ACACA: variants seen among roughly 807,000 people sequenced by gnomAD.
ACACA encodes acetyl-CoA carboxylase 1.
A neutral mutation model predicts 296.1 loss-of-function variants in ACACA; 103 were observed. The observed-to-expected ratio is 0.35, with a 90% confidence interval of 0.30 to 0.41. The LOEUF (loss-of-function observed/expected upper bound fraction) is 0.41. ACACA is among the 10% of genes least tolerant of loss of function. The pLI is 1.00. For missense variants in ACACA, 1,554 were observed against 2,989.7 expected, an observed-to-expected ratio of 0.52 and a Z score of 11.20; for synonymous variants, 953 against 1,038.6, an observed-to-expected ratio of 0.92 and a Z score of 1.58.
intron 5 of ACACA, 53 bp downstream of exon 5, chr17:37,283,214 C>CTG: frequency 1.2e-6 from 2 of 1,608,010 alleles, no homozygotes; most frequent in South Asian, 2.2e-5. Context: ...AAAGGCTGTG[C>CTG]TGTTCCATGT....
At chr17:37,316,069 A>C (rs934712751) in intron 3 of ACACA, among the ~76,000 whole-genome samples, 2 of 152,168 alleles carry the variant, frequency 1.3e-5, no homozygotes, top group African/African-American at 4.8e-5. Flanking sequence ...CAAGGGCTTT[A>C]GGAACTGTGT....
intron 42 of ACACA, among the ~76,000 whole-genome samples, chr17:37,156,119 A>T (rs538538015): frequency 4.7e-4 from 60 of 128,070 alleles, no homozygotes; most frequent in African/African-American, 1.4e-3. Flanking sequence ...GCTGGAGTGC[A>T]GTGGCGCGAT....
chr17:37,189,171 T>C (rs551549881), intron 38 of ACACA, among the ~76,000 whole-genome samples: 4 of 152,314 alleles, frequency 2.6e-5, no homozygotes, highest in African/African-American at 9.6e-5. Flanking sequence ...GGACAGTTAT[T>C]TTAACTAAAT....
At chr17:37,310,290 C>T (rs1188421554) in intron 3 of ACACA, among the ~76,000 whole-genome samples, 6 of 151,956 alleles carry the variant, frequency 3.9e-5, no homozygotes, top group Admixed American at 3.3e-4. Context: ...GCTGGAGGTG[C>T]TATTTAGTGA....
At chr17:37,217,046 T>C (rs2079031102) in intron 29 of ACACA, among the ~76,000 whole-genome samples, 1 of 149,596 alleles carries the variant, frequency 6.7e-6, no homozygotes, top group African/African-American at 2.5e-5. Context: ...GTAGATCACC[T>C]GAGTTAGGGT....
At position 37,155,671 on chromosome 17, in the gene ACACA, A is replaced by C. The variant is rs560922019; in HGVS notation, c.5447+12T>G. The C allele has an allele frequency of 1.9e-6, 3 of 1,571,192 alleles. No individual in the cohort carries two copies. Among genetic ancestry groups the C allele is most frequent in the Admixed American group, 1.7e-5 (1 of 59,954 alleles). ...AGTCATGACCAAATTATTCCAATAC[A>C]TATATACCTACCTGGATTCTCCTTC... On this transcript the variant is annotated intron_variant, in intron 43 of 55. Coordinates refer to ENST00000616317, the MANE Select transcript of ACACA (RefSeq NM_198834.3).
At chr17:37,283,674 A>G (rs1255601479) in intron 4 of ACACA, among the ~76,000 whole-genome samples, 1 of 152,180 alleles carries the variant, frequency 6.6e-6, no homozygotes, top group Non-Finnish European at 1.5e-5. Flanking sequence ...AAAAGTCACA[A>G]TTACTTAAAT....
chr17:37,093,336 C>T (rs1202877067), intron 54 of ACACA, among the ~76,000 whole-genome samples: 1 of 152,208 alleles, frequency 6.6e-6, no homozygotes, highest in Non-Finnish European at 1.5e-5. Flanking sequence ...AACCAAAGAG[C>T]GTCTGAGCAC....
At chr17:37,220,196 C>G (rs2145632378) in intron 29 of ACACA, among the ~76,000 whole-genome samples, 1 of 152,248 alleles carries the variant, frequency 6.6e-6, no homozygotes, top group South Asian at 2.1e-4. Context: ...CTTAACAAAG[C>G]AGTCAAGAAG....
At chr17:37,204,006 C>G (rs1021179754) in intron 33 of ACACA, among the ~76,000 whole-genome samples, 1 of 152,190 alleles carries the variant, frequency 6.6e-6, no homozygotes, top group African/African-American at 2.4e-5. Flanking sequence ...TCATAGTCAT[C>G]ACAAATTTAC....
intron 52 of ACACA, among the ~76,000 whole-genome samples, chr17:37,108,240 C>T (rs956190129): frequency 7.2e-5 from 11 of 152,172 alleles, no homozygotes; most frequent in African/African-American, 2.2e-4. Context: ...AATCACAGAC[C>T]TGCAAACTAG....
intron 32 of ACACA, 150 bp downstream of exon 32, chr17:37,206,633 T>C: frequency 1.5e-6 from 1 of 665,926 alleles, no homozygotes; most frequent in East Asian, 2.7e-5. Context: ...TTCCAGAAAA[T>C]ACTTTGGTGA....
intron 1 of ACACA, among the ~76,000 whole-genome samples, chr17:37,400,570 A>G (rs2051245797): frequency 6.6e-6 from 1 of 152,098 alleles, no homozygotes; most frequent in Non-Finnish European, 1.5e-5. Context: ...TGCTACTTCT[A>G]CAAGCTTGAC....
At chr17:37,092,247 C>G (rs796122077) in intron 54 of ACACA, among the ~76,000 whole-genome samples, 1 of 150,096 alleles carries the variant, frequency 6.7e-6, no homozygotes, top group African/African-American at 2.5e-5. Context: ...CATACCTACT[C>G]CAGCAGCCTG....
chr17:37,321,937 C>A (rs1389604386), intron 3 of ACACA, among the ~76,000 whole-genome samples: 2 of 140,570 alleles, frequency 1.4e-5, no homozygotes, highest in Non-Finnish European at 1.5e-5. Context: ...AGCAAGACTC[C>A]ATCTCAAAAA....
intron 39 of ACACA, among the ~76,000 whole-genome samples, chr17:37,183,287 G>A (rs1034702787): frequency 2.0e-5 from 3 of 152,126 alleles, no homozygotes; most frequent in African/African-American, 7.2e-5. Context: ...AGCTACATAT[G>A]TATATTGCTG....
At chr17:37,306,278 T>C (rs1410196296) in intron 3 of ACACA, among the ~76,000 whole-genome samples, 6 of 152,166 alleles carry the variant, frequency 3.9e-5, no homozygotes, top group African/African-American at 1.4e-4. Context: ...AGTGTTAAAA[T>C]GGTTAATTTT....
chr17:37,349,057 T>G (rs1215673752), intron 1 of ACACA, among the ~76,000 whole-genome samples: 1 of 150,102 alleles, frequency 6.7e-6, no homozygotes, highest in African/African-American at 2.5e-5. Flanking sequence ...TTCTTTATTA[T>G]TTATTATTAT....
chr17:37,361,722 T>C (rs1055076328), intron 1 of ACACA, among the ~76,000 whole-genome samples: 1 of 152,194 alleles, frequency 6.6e-6, no homozygotes, highest in Admixed American at 6.5e-5. Context: ...TGCCACAACC[T>C]GCCCATCCCT....
Sources: allele counts gnomAD v4.1 joint callset (sites outside exome capture counted in the v4.1 genomes callset), GRCh38; gene constraint gnomAD v4.1.1; transcripts MANE v1.5; gene names NCBI Gene and HGNC (gene_info 2026-07-23, HGNC 2026-07-21).